PPM1H: variants seen among roughly 807,000 people sequenced by gnomAD.
PPM1H encodes the protein protein phosphatase 1H.
A neutral mutation model predicts 54.9 loss-of-function variants in PPM1H; 27 were observed. The observed-to-expected ratio is 0.49, with a 90% confidence interval of 0.36 to 0.68. The LOEUF is 0.68. Among genes scored for constraint, PPM1H ranks in the 30% least tolerant of loss-of-function variants. The pLI is 0.00. For synonymous variants in PPM1H, 305 were observed against 270.8 expected (o/e 1.13, Z -1.24); for missense variants, 596 against 667.8 (o/e 0.89, Z 1.19).
chr12:62,772,826 C>T (rs898551785), intron 4 of PPM1H, among the ~76,000 whole-genome samples: 2 of 152,108 alleles, frequency 1.3e-5, no homozygotes, highest in Non-Finnish European at 2.9e-5. Context: ...GCAGTAGTAG[C>T]GGGAGGCGCC....
At chr12:62,903,949 T>A (rs1487901402) in intron 1 of PPM1H, among the ~76,000 whole-genome samples, 1 of 152,212 alleles carries the variant, frequency 6.6e-6, no homozygotes, top group Non-Finnish European at 1.5e-5. Flanking sequence ...AGGGTCGATT[T>A]ATTTTTTTAG....
rs1339669464 is a variant in PPM1H at position 62,768,407 on chromosome 12, G to A, written c.869+19819C>T. Reference sequence around the variant, plus strand: ...AGGGGAAGACATGCCTGTAATCCCAGCTTTTTGGGAGGCCAAGGTGGGCGG... The same window carrying A: ...AGGGGAAGACATGCCTGTAATCCCAACTTTTTGGGAGGCCAAGGTGGGCGG... On this transcript the variant is annotated intron_variant, in intron 4 of 9. Transcript: ENST00000228705. 2.0e-5 allele frequency among the ~76,000 whole-genome samples: 3 copies of A among 152,152 alleles called. No homozygotes were observed. The East Asian group carries it at 5.8e-4, about 29-fold the overall frequency.
At chr12:62,933,561 A>G (rs1565833427) in intron 1 of PPM1H, among the ~76,000 whole-genome samples, 1 of 152,218 alleles carries the variant, frequency 6.6e-6, no homozygotes, top group South Asian at 2.1e-4. Context: ...TGGTTCATTA[A>G]TAACCTTGAA....
intron 1 of PPM1H, among the ~76,000 whole-genome samples, chr12:62,877,607 A>C (rs11615951): frequency 0.18 from 27,381 of 152,158 alleles, 3,128 homozygotes; most frequent in East Asian, 0.46. Flanking sequence ...TTTTGAGATG[A>C]AGCAAACCAA....
At chr12:62,657,433 G>A (rs1485439866) in intron 9 of PPM1H, among the ~76,000 whole-genome samples, 4 of 152,158 alleles carry the variant, frequency 2.6e-5, no homozygotes, top group Non-Finnish European at 4.4e-5. Context: ...AGGATGGGAC[G>A]GTGGTTGGCT....
At chr12:62,664,775 A>G (rs1295963092) in intron 9 of PPM1H, among the ~76,000 whole-genome samples, 1 of 152,176 alleles carries the variant, frequency 6.6e-6, no homozygotes, top group Non-Finnish European at 1.5e-5. Context: ...CCCTGTAGAA[A>G]TTTCTTCAGA....
chr12:62,801,124 C>T (rs2076766712), intron 3 of PPM1H, among the ~76,000 whole-genome samples: 1 of 152,192 alleles, frequency 6.6e-6, no homozygotes, highest in South Asian at 2.1e-4. Context: ...AGGATGGGGA[C>T]TTTTGAGCAC....
intron 1 of PPM1H, among the ~76,000 whole-genome samples, chr12:62,876,346 G>C (rs1252577953): frequency 1.3e-5 from 2 of 152,124 alleles, no homozygotes; most frequent in African/African-American, 2.4e-5. Flanking sequence ...CAAACCTTAG[G>C]CTTCATTGAT....
chr12:62,771,149 C>T (rs2076577281), intron 4 of PPM1H, among the ~76,000 whole-genome samples: 1 of 145,318 alleles, frequency 6.9e-6, no homozygotes, highest in Admixed American at 7.0e-5. Flanking sequence ...TGAAAAAGGA[C>T]TTCTTCTGTG....
intron 1 of PPM1H, among the ~76,000 whole-genome samples, chr12:62,895,728 C>T (rs1162215230): frequency 6.6e-6 from 1 of 152,138 alleles, no homozygotes; most frequent in Non-Finnish European, 1.5e-5. Context: ...TCTGCACTTG[C>T]ACTCACTTAC....
At chr12:62,669,251 C>A (rs17676302) in intron 8 of PPM1H, among the ~76,000 whole-genome samples, 1 of 152,212 alleles carries the variant, frequency 6.6e-6, no homozygotes, top group Non-Finnish European at 1.5e-5. Context: ...AGGTCACTGA[C>A]GAATGTGGTC....
chr12:62,884,901 C>A (rs927194332), intron 1 of PPM1H, among the ~76,000 whole-genome samples: 1 of 152,140 alleles, frequency 6.6e-6, no homozygotes, highest in East Asian at 1.9e-4. Flanking sequence ...CAGTTCCTTG[C>A]AGCTGCAGTA....
chr12:62,780,283 G>A (rs1436687784), intron 4 of PPM1H, among the ~76,000 whole-genome samples: 1 of 152,112 alleles, frequency 6.6e-6, no homozygotes. Context: ...TTGATAAGCT[G>A]TCTCCCCTAT....
chr12:62,882,539 T>A (rs954744150), intron 1 of PPM1H, among the ~76,000 whole-genome samples: 2 of 152,050 alleles, frequency 1.3e-5, no homozygotes, highest in African/African-American at 2.4e-5. Flanking sequence ...AGCCCAAGAG[T>A]CCTTGGAAAC....
rs138009448 is a variant in PPM1H at position 62,661,926 on chromosome 12, T to C, written c.1397+5252A>G. On this transcript the variant is annotated intron_variant, in intron 9 of 9. Coordinates refer to ENST00000228705, the MANE Select transcript of PPM1H (RefSeq NM_020700.2). ...ATAAACTGTGTTCCCCTTGCAATTT[T>C]CCCTTTCATTCATTCATCCATCTGA... Among the ~76,000 whole-genome samples the C allele has an allele frequency of 1.6e-3, 242 of 152,008 alleles. 1 individual carries two copies. The highest frequency in any genetic ancestry group is 3.0e-3 in the Non-Finnish European group (205 of 67,952).
intron 1 of PPM1H, among the ~76,000 whole-genome samples, chr12:62,898,722 A>G (rs1871071069): frequency 6.6e-6 from 1 of 152,156 alleles, no homozygotes; most frequent in Non-Finnish European, 1.5e-5. Context: ...GTAATTACCA[A>G]CCCACATTTC....
intron 3 of PPM1H, among the ~76,000 whole-genome samples, chr12:62,797,246 T>A (rs1375179958): frequency 1.3e-5 from 2 of 151,996 alleles, no homozygotes; most frequent in African/African-American, 4.8e-5. Flanking sequence ...ACACTCAGAA[T>A]CTCCAGAGGG....
At chr12:62,888,506 C>A (rs910795114) in intron 1 of PPM1H, among the ~76,000 whole-genome samples, 17 of 152,022 alleles carry the variant, frequency 1.1e-4, no homozygotes, top group Admixed American at 4.6e-4. Flanking sequence ...AAACTTCAGA[C>A]ACAGCATCCC....
chr12:62,738,692 T>A (rs965843468), intron 4 of PPM1H, among the ~76,000 whole-genome samples: 1 of 151,946 alleles, frequency 6.6e-6, no homozygotes, highest in African/African-American at 2.4e-5. Flanking sequence ...ACCCAACAGC[T>A]CCCAGGCATC....
Sources: gnomAD v4.1 joint callset for allele counts (sites outside exome capture counted in the v4.1 genomes callset) on GRCh38, gnomAD v4.1.1 for gene constraint, MANE v1.5 for transcripts, NCBI Gene and HGNC (gene_info 2026-07-23, HGNC 2026-07-21) for gene names.